MGAT4C: variants seen among roughly 807,000 people sequenced by gnomAD.
MGAT4C encodes the protein MGAT4 family member C.
Under a neutral mutation model 40.1 loss-of-function variants are expected in MGAT4C, and 19 were observed. The observed-to-expected ratio is 0.47, with a 90% CI of 0.33 to 0.70. The LOEUF is 0.70. Among genes scored for constraint, MGAT4C ranks in the 30% least tolerant of loss-of-function variants. MGAT4C has a pLI of 0.02. For missense variants in MGAT4C, 491 were observed against 563.2 expected (o/e 0.87, Z 1.30); for synonymous variants, 181 against 187.1 (o/e 0.97, Z 0.27).
chr12:86,481,612 T>C (rs776425370), intron 2 of MGAT4C, among the ~76,000 whole-genome samples: 4 of 151,964 alleles, frequency 2.6e-5, no homozygotes, highest in Non-Finnish European at 5.9e-5. Flanking sequence ...GCAATATGGA[T>C]ATGATTATCA....
intron 2 of MGAT4C, among the ~76,000 whole-genome samples, chr12:86,596,382 TC>T: frequency 6.6e-6 from 1 of 152,220 alleles, no homozygotes; most frequent in East Asian, 1.9e-4. Context: ...AACTATTCAA[TC>T]CCTTTAGGCC....
chr12:86,669,187 C>T (rs1342371077), intron 2 of MGAT4C, among the ~76,000 whole-genome samples: 1 of 152,120 alleles, frequency 6.6e-6, no homozygotes, highest in Non-Finnish European at 1.5e-5. Flanking sequence ...CCCCACCCTT[C>T]CTGGACCCAG....
intron 1 of MGAT4C, among the ~76,000 whole-genome samples, chr12:86,173,780 G>C (rs1223158371): frequency 6.6e-6 from 1 of 151,962 alleles, no homozygotes; most frequent in East Asian, 1.9e-4. Flanking sequence ...AAAAGGGATG[G>C]GGATTTCACT....
intron 1 of MGAT4C, among the ~76,000 whole-genome samples, chr12:86,223,191 G>A (rs1413537861): frequency 2.0e-5 from 3 of 152,194 alleles, no homozygotes; most frequent in Admixed American, 6.5e-5. Flanking sequence ...ACAAATCCCA[G>A]CATTGCTGCC....
chr12:86,274,843 C>T (rs1368273888), intron 4 of MGAT4C, among the ~76,000 whole-genome samples: 1 of 152,112 alleles, frequency 6.6e-6, no homozygotes, highest in East Asian at 1.9e-4. Context: ...CAATTTTTGC[C>T]TAAGAGTTAA....
intron 2 of MGAT4C, among the ~76,000 whole-genome samples, chr12:86,510,231 G>A (rs536276076): frequency 3.3e-5 from 5 of 151,986 alleles, no homozygotes; most frequent in Admixed American, 2.6e-4. Context: ...TTTGAGATCC[G>A]TCCCATCAAT....
intron 2 of MGAT4C, among the ~76,000 whole-genome samples, chr12:86,049,083 G>T (rs1395221858): frequency 1.3e-5 from 2 of 151,998 alleles, no homozygotes; most frequent in African/African-American, 4.8e-5. Flanking sequence ...AGTCTGATAA[G>T]AAATGGTGGG....
chr12:86,131,732 T>C (rs1881213256), intron 1 of MGAT4C, among the ~76,000 whole-genome samples: 1 of 66,176 alleles, frequency 1.5e-5, no homozygotes, highest in African/African-American at 7.2e-5. Flanking sequence ...GGAGGTGATT[T>C]ATAAAAACTG....
At chr12:86,473,246 T>G (rs1256521145) in intron 2 of MGAT4C, among the ~76,000 whole-genome samples, 1 of 152,090 alleles carries the variant, frequency 6.6e-6, no homozygotes, top group Non-Finnish European at 1.5e-5. Flanking sequence ...CATGAGCCAC[T>G]GCACCGGGCC....
chr12:86,226,208 G>T (rs1432418175), intron 1 of MGAT4C, among the ~76,000 whole-genome samples: 1 of 151,940 alleles, frequency 6.6e-6, no homozygotes, highest in Non-Finnish European at 1.5e-5. Flanking sequence ...TGATTTTGGG[G>T]TTTGCACAGG....
At chr12:86,598,818 T>A (rs1192378775) in intron 2 of MGAT4C, among the ~76,000 whole-genome samples, 1 of 152,168 alleles carries the variant, frequency 6.6e-6, no homozygotes. Context: ...GAGGCAAAAG[T>A]CTTCTGCTTA....
intron 2 of MGAT4C, among the ~76,000 whole-genome samples, chr12:86,505,904 C>A (rs1200287448): frequency 6.6e-6 from 1 of 152,018 alleles, no homozygotes; most frequent in Non-Finnish European, 1.5e-5. Context: ...TTAAATAAAT[C>A]TAGATTTTAA....
At chr12:86,126,800 A>G (rs1880347288) in intron 1 of MGAT4C, among the ~76,000 whole-genome samples, 1 of 152,198 alleles carries the variant, frequency 6.6e-6, no homozygotes, top group South Asian at 2.1e-4. Flanking sequence ...ACATGAATCT[A>G]GATGTATAGC....
intron 3 of MGAT4C, among the ~76,000 whole-genome samples, chr12:86,364,313 A>C (rs949642601): frequency 6.6e-6 from 1 of 152,184 alleles, no homozygotes; most frequent in African/African-American, 2.4e-5. Flanking sequence ...AAATATTTTC[A>C]ACAAAATATA....
chr12:86,084,131 G>A (rs565553126), intron 1 of MGAT4C, among the ~76,000 whole-genome samples: 16 of 152,080 alleles, frequency 1.1e-4, no homozygotes, highest in South Asian at 6.2e-4. Flanking sequence ...AAGTCCCTGC[G>A]CTCAAAAAAC....
At chr12:86,008,700 CG>C in intron 2 of MGAT4C, among the ~76,000 whole-genome samples, 1 of 152,106 alleles carries the variant, frequency 6.6e-6, no homozygotes, top group East Asian at 1.9e-4. Context: ...AGGAAGAAAG[CG>C]TTAAGTATTT....
intron 1 of MGAT4C, among the ~76,000 whole-genome samples, chr12:86,804,018 A>G (rs947226405): frequency 7.5e-6 from 1 of 132,768 alleles, no homozygotes; most frequent in Non-Finnish European, 1.6e-5. Context: ...AACCAACCCA[A>G]ATGTCCAACA....
chr12:86,114,502 T>G (rs2135658534), intron 1 of MGAT4C, among the ~76,000 whole-genome samples: 1 of 152,106 alleles, frequency 6.6e-6, no homozygotes, highest in South Asian at 2.1e-4. Context: ...CTGTTTCATA[T>G]GGGCTCTCTT....
chr12:86,622,552 C>T (rs78401475), intron 2 of MGAT4C, among the ~76,000 whole-genome samples: 3,043 of 152,090 alleles, frequency 0.02, 99 homozygotes, highest in African/African-American at 0.069. Flanking sequence ...AAATATTATG[C>T]CTCAGTAGTG....
Sources: gnomAD v4.1 joint callset for allele counts (sites outside exome capture counted in the v4.1 genomes callset) on GRCh38, gnomAD v4.1.1 for gene constraint, MANE v1.5 for transcripts, NCBI Gene and HGNC (gene_info 2026-07-23, HGNC 2026-07-21) for gene names.